The following KANSL1 variants were observed in gnomAD, a reference collection of about 807,000 sequenced individuals.
The protein encoded by KANSL1 is KAT8 regulatory NSL complex subunit 1.
In KANSL1, 22 loss-of-function variants were observed where a neutral mutation model predicts 103.6. That is an observed-to-expected ratio of 0.21 (90% CI 0.15 to 0.30). The LOEUF is 0.30. Among genes scored for constraint, KANSL1 ranks in the 10% least tolerant of loss-of-function variants. KANSL1 has a pLI of 1.00. For missense variants in KANSL1, 1,337 were observed against 1,399.8 expected (o/e 0.96, Z 0.72); for synonymous variants, 600 against 527.6 (o/e 1.14, Z -1.88).
intron 2 of KANSL1, among the ~76,000 whole-genome samples, chr17:46,155,567 G>C (rs891484380): frequency 6.6e-6 from 1 of 152,174 alleles, no homozygotes; most frequent in African/African-American, 2.4e-5. Context: ...TGGCATTTAG[G>C]GGGTAGAGGC....
At chr17:46,087,420 T>G (rs2079206449) in intron 3 of KANSL1, among the ~76,000 whole-genome samples, 1 of 152,018 alleles carries the variant, frequency 6.6e-6, no homozygotes, top group African/African-American at 2.4e-5. Flanking sequence ...GCTGAGCAAA[T>G]AAAAAGCATC....
intron 14 of KANSL1, 129 bp downstream of exon 14, chr17:46,031,918 A>G: frequency 7.5e-7 from 1 of 1,333,610 alleles, no homozygotes; most frequent in South Asian, 1.3e-5. Flanking sequence ...TGAGGAGATC[A>G]ATTTAAGTGC....
intron 6 of KANSL1, among the ~76,000 whole-genome samples, chr17:46,064,567 G>T (rs1175830019): frequency 6.6e-6 from 1 of 152,040 alleles, no homozygotes; most frequent in Non-Finnish European, 1.5e-5. Context: ...AAATTCAATG[G>T]TCTCAATTCT....
chr17:46,201,201 C>T (rs1411947279), intron 1 of KANSL1, among the ~76,000 whole-genome samples: 7 of 152,308 alleles, frequency 4.6e-5, no homozygotes, highest in Middle Eastern at 3.4e-3. Context: ...CGTGAGCCAC[C>T]ACGCCCAGCC....
intron 2 of KANSL1, among the ~76,000 whole-genome samples, chr17:46,155,487 C>A (rs1278968506): frequency 6.6e-6 from 1 of 152,078 alleles, no homozygotes; most frequent in Admixed American, 6.5e-5. Flanking sequence ...TACCCCAACC[C>A]CCAAAAGGGC....
intron 1 of KANSL1, among the ~76,000 whole-genome samples, chr17:46,178,241 C>T (rs529018047): frequency 1.3e-5 from 2 of 151,784 alleles, no homozygotes; most frequent in Admixed American, 6.6e-5. Context: ...GAAAAAAAAA[C>T]GAAAAACAAA....
At chr17:46,125,890 T>G (rs1384712418) in intron 2 of KANSL1, among the ~76,000 whole-genome samples, 1 of 152,232 alleles carries the variant, frequency 6.6e-6, no homozygotes, top group East Asian at 1.9e-4. Context: ...TACCTCTTAT[T>G]GAAACCTGAA....
chr17:46,038,959 C>T lies in KANSL1; in HGVS notation c.2392+68G>A, dbSNP rs898358045. On this transcript the variant is annotated intron_variant, in intron 9 of 14. Coordinates refer to ENST00000432791, the MANE Select transcript of KANSL1 (RefSeq NM_015443.4). Reference sequence around the variant, plus strand: ...CAAAGCTGGGGGTAATTAAGAGAAGCCTAGGCTGCCCCAGAAAGCCCTGAG... The same window carrying T: ...CAAAGCTGGGGGTAATTAAGAGAAGTCTAGGCTGCCCCAGAAAGCCCTGAG... The T allele has an allele frequency of 3.9e-6, 6 of 1,557,334 alleles. No individual in the cohort carries two copies. The African/African-American group carries it at 8.3e-5, about 22-fold the overall frequency.
intron 2 of KANSL1, among the ~76,000 whole-genome samples, chr17:46,159,194 C>G (rs537813690): frequency 1.8e-4 from 27 of 152,310 alleles, no homozygotes; most frequent in Non-Finnish European, 2.9e-4. Flanking sequence ...AAAGGCCTGC[C>G]TATGCCTATG....
intron 2 of KANSL1, among the ~76,000 whole-genome samples, chr17:46,114,350 C>T (rs2042952277): frequency 6.7e-6 from 1 of 148,694 alleles, no homozygotes; most frequent in African/African-American, 2.4e-5. Flanking sequence ...CAGCGAGACT[C>T]CCTCTCAAAC....
chr17:46,168,351 A>ATTT (rs539921890), intron 2 of KANSL1, among the ~76,000 whole-genome samples: 1 of 146,456 alleles, frequency 6.8e-6, no homozygotes, highest in Non-Finnish European at 1.5e-5. Context: ...TTTAAATACA[A>ATTT]TTTTTTTTTT....
intron 2 of KANSL1, among the ~76,000 whole-genome samples, chr17:46,146,647 A>C (rs1195941344): frequency 1.7e-5 from 2 of 116,340 alleles, no homozygotes; most frequent in Middle Eastern, 5.1e-3. Context: ...TCCCAGCTAA[A>C]ACGGTGAAAC....
chr17:46,051,134 T>C (rs1469002918), intron 6 of KANSL1, among the ~76,000 whole-genome samples: 8 of 152,234 alleles, frequency 5.3e-5, no homozygotes, highest in African/African-American at 1.4e-4. Context: ...TCAGCAAATT[T>C]ATCCACCTAG....
At chr17:46,142,121 A>G (rs9747235) in intron 2 of KANSL1, among the ~76,000 whole-genome samples, 1,811 of 152,310 alleles carry the variant, frequency 0.012, 36 homozygotes, top group African/African-American at 0.042. Context: ...CCAAAAATAA[A>G]AACATGTACA....
intron 2 of KANSL1, among the ~76,000 whole-genome samples, chr17:46,129,953 A>T (rs574461318): frequency 6.6e-6 from 1 of 152,256 alleles, no homozygotes; most frequent in Non-Finnish European, 1.5e-5. Context: ...TGGGAGGCCG[A>T]CACAGGCAGA....
At chr17:46,108,648 T>C (rs561698700) in intron 2 of KANSL1, among the ~76,000 whole-genome samples, 4 of 152,184 alleles carry the variant, frequency 2.6e-5, no homozygotes, top group Non-Finnish European at 5.9e-5. Context: ...AAATATTTGT[T>C]CAAAGGGAAG....
intron 2 of KANSL1, among the ~76,000 whole-genome samples, chr17:46,154,732 G>A (rs1225140778): frequency 6.6e-6 from 1 of 152,200 alleles, no homozygotes; most frequent in African/African-American, 2.4e-5. Flanking sequence ...CTTAGAGCTG[G>A]GACAAAGAAA....
At chr17:46,105,806 G>A (rs1379569293) in intron 2 of KANSL1, among the ~76,000 whole-genome samples, 2 of 151,720 alleles carry the variant, frequency 1.3e-5, no homozygotes, top group Non-Finnish European at 2.9e-5. Flanking sequence ...GGGAGGTCAA[G>A]GCTGCAGTGA....
At chr17:46,112,712 C>A (rs1048478785) in intron 2 of KANSL1, among the ~76,000 whole-genome samples, 3 of 135,560 alleles carry the variant, frequency 2.2e-5, no homozygotes, top group Non-Finnish European at 5.2e-5. Context: ...AAACAAAAAA[C>A]TGGGCAGATA....
Sources: allele counts gnomAD v4.1 joint callset (sites outside exome capture counted in the v4.1 genomes callset), GRCh38; gene constraint gnomAD v4.1.1; transcripts MANE v1.5; gene names NCBI Gene and HGNC (gene_info 2026-07-23, HGNC 2026-07-21).